ZFYVE9: variants seen among roughly 807,000 people sequenced by gnomAD.
ZFYVE9 encodes the protein zinc finger FYVE domain-containing protein 9.
ZFYVE9 carries 43 observed loss-of-function variants against 126.7 expected under a neutral mutation model. That is an observed-to-expected ratio of 0.34 (90% CI 0.27 to 0.44). The LOEUF is 0.44. Among genes scored for constraint, ZFYVE9 ranks in the 20% least tolerant of loss-of-function variants. The probability of loss-of-function intolerance (pLI) is 1.00; values close to 1 mark genes in which losing one functional copy is unlikely to be tolerated. For synonymous variants in ZFYVE9, 521 were observed against 597.4 expected, an observed-to-expected ratio of 0.87 and a Z score of 1.87; for missense variants, 1,476 against 1,697.0, an observed-to-expected ratio of 0.87 and a Z score of 2.29.
intron 13 of ZFYVE9, among the ~76,000 whole-genome samples, chr1:52,322,377 CTTT>C (rs113375062): frequency 8.4e-6 from 1 of 119,496 alleles, no homozygotes. Context: ...GTGGTCTTTT[CTTT>C]TTTTTTTTTT....
intron 13 of ZFYVE9, among the ~76,000 whole-genome samples, chr1:52,312,749 T>A (rs918478335): frequency 7.2e-5 from 11 of 152,220 alleles, no homozygotes; most frequent in Non-Finnish European, 1.5e-5. Flanking sequence ...ATCAGGGGTG[T>A]ACGGTTCTCC....
chr1:52,336,754 A>G (rs899919199), intron 15 of ZFYVE9, among the ~76,000 whole-genome samples: 2 of 152,092 alleles, frequency 1.3e-5, no homozygotes, highest in Non-Finnish European at 2.9e-5. Context: ...GTGACTTCAC[A>G]AGGTGATTTT....
chr1:52,222,085 T>C (rs1256203165), intron 2 of ZFYVE9, among the ~76,000 whole-genome samples: 1 of 152,194 alleles, frequency 6.6e-6, no homozygotes, highest in African/African-American at 2.4e-5. Flanking sequence ...GTTCTACGAA[T>C]TGGAGTTTAT....
rs1212273323 is a variant in ZFYVE9 at position 52,238,666 on chromosome 1, G to A, written c.1249G>A (p.Glu417Lys). The A allele has an allele frequency of 3.1e-6, 5 of 1,614,030 alleles. No individual in the cohort carries two copies. The highest frequency in any genetic ancestry group is 1.6e-4 in the Middle Eastern group (1 of 6,062). The change falls in exon 4 of 19, where the codon GAA becomes AAA. Residue 417 changes from glutamate to lysine, a missense_variant. Transcript: ENST00000287727. ...LNEMNDSQVN[E>K]EKEKFLQISQ... ...TGAGATGAATGATAGCCAAGTAAAC[G>A]AAGAAAAGGAAAAGTTTCTACAGAT...
chr1:52,142,712 GCAGCCT>G lies in ZFYVE9; in HGVS notation c.-143+311_-143+316del, dbSNP rs1644271295. Among the ~76,000 whole-genome samples the G allele has an allele frequency of 6.6e-6, 1 of 152,162 alleles. No homozygotes were observed. The highest frequency in any genetic ancestry group is 2.1e-4 in the South Asian group (1 of 4,836). The stretch of plus-strand genomic sequence containing the variant: ...GGGTTTGCATGGGCCCGGGCCGAGC[GCAGCCT>G]CTTAGCCCGGGCCCTGCACGTACAT... On this transcript the variant is annotated intron_variant, in intron 1 of 18. Transcript: ENST00000287727. This position sits in a 1 kb window ranked among gnomAD's most constrained non-coding sequence, Gnocchi z 4.5.
intron 1 of ZFYVE9, among the ~76,000 whole-genome samples, chr1:52,214,958 T>C (rs529562061): frequency 2.6e-5 from 4 of 152,310 alleles, no homozygotes; most frequent in African/African-American, 9.6e-5. Context: ...TTTTATTCAG[T>C]ACACTGATTC....
At chr1:52,188,695 A>G (rs2124551987) in intron 1 of ZFYVE9, among the ~76,000 whole-genome samples, 1 of 152,270 alleles carries the variant, frequency 6.6e-6, no homozygotes, top group Admixed American at 6.5e-5. Context: ...GCATTGGTTT[A>G]TATAGTAGAC....
At chr1:52,212,428 G>A (rs1645036788) in intron 1 of ZFYVE9, among the ~76,000 whole-genome samples, 1 of 152,194 alleles carries the variant, frequency 6.6e-6, no homozygotes, top group Non-Finnish European at 1.5e-5. Flanking sequence ...ATTAAGGTGT[G>A]AGCCACTGCA....
At chr1:52,199,050 T>A (rs1445889205) in intron 1 of ZFYVE9, among the ~76,000 whole-genome samples, 2 of 152,064 alleles carry the variant, frequency 1.3e-5, no homozygotes, top group African/African-American at 4.8e-5. Context: ...TCCTCTCCCC[T>A]AGTCTTTGAC....
rs185447340 is a variant in ZFYVE9, at chr1:52,181,461, G to A, written c.-142-34908G>A. On this transcript the variant is annotated intron_variant, in intron 1 of 18. Transcript: ENST00000287727. ...TCTCCACCTCCCAGCCGCCTGCCTT[G>A]GCCTCCCAAAGTGCCGAGATTGCAG... is the stretch of plus-strand genomic sequence containing the variant. Among the ~76,000 whole-genome samples, 1,506 of 152,278 alleles carry A rather than the reference G, an allele frequency of 9.9e-3. 37 individuals carry two copies. The highest frequency in any genetic ancestry group is 0.035 in the African/African-American group (1,455 of 41,548).
chr1:52,162,500 C>T (rs544146584), intron 1 of ZFYVE9: 13 of 256,780 alleles, frequency 5.1e-5, no homozygotes, highest in Non-Finnish European at 5.6e-5. Context: ...TTACCATAGC[C>T]TCCTTTGAGT....
intron 1 of ZFYVE9, among the ~76,000 whole-genome samples, chr1:52,211,581 T>A (rs772011962): frequency 1.8e-4 from 27 of 152,172 alleles, no homozygotes; most frequent in Non-Finnish European, 3.1e-4. Context: ...CCTGCAGTCG[T>A]AGCTACTCCC....
chr1:52,339,591 A>G lies in ZFYVE9; in HGVS notation c.3834-535A>G, dbSNP rs78610139. Among the ~76,000 whole-genome samples the G allele has an allele frequency of 3.9e-3, 601 of 152,264 alleles. 3 individuals are homozygous for G. The highest frequency in any genetic ancestry group is 0.014 in the African/African-American group (573 of 41,554). ...CAGGCGTGAGCCACCATGCCCAGCAAATGATTCTTAATAAATATTTATTAG... is the reference window on the plus strand; with the variant it reads ...CAGGCGTGAGCCACCATGCCCAGCAGATGATTCTTAATAAATATTTATTAG... On this transcript the variant is annotated intron_variant, in intron 16 of 18. Coordinates refer to ENST00000287727, the MANE Select transcript of ZFYVE9 (RefSeq NM_004799.4).
Position 52,237,751 on chromosome 1 carries a change from G to A in ZFYVE9, c.334G>A (p.Glu112Lys), listed in dbSNP as rs763318697. The change falls in exon 4 of 19, where the codon GAA (glutamate) becomes AAA (lysine). Residue 112 changes from glutamate to lysine, a missense_variant. Transcript: ENST00000287727. The part of the protein sequence containing the change: ...TMWIDENAVA[E>K]DQLIKRNYSW... Reference sequence around the variant, plus strand: ...GTGGATTGATGAAAATGCTGTTGCAGAAGACCAGTTAATTAAGAGAAACTA... The same window carrying A: ...GTGGATTGATGAAAATGCTGTTGCAAAAGACCAGTTAATTAAGAGAAACTA... 1.9e-6 allele frequency: 3 copies of A among 1,614,032 alleles called. No homozygotes were observed. Among genetic ancestry groups the A allele is most frequent in the Non-Finnish European group, 2.5e-6 (3 of 1,180,000 alleles).
chr1:52,335,921 G>T (rs1344785240), intron 15 of ZFYVE9, among the ~76,000 whole-genome samples: 3 of 152,218 alleles, frequency 2.0e-5, no homozygotes, highest in Admixed American at 6.5e-5. Flanking sequence ...ATCACTTGAG[G>T]TCAGGAGTTG....
chr1:52,285,709 CAT>C (rs969016865), intron 10 of ZFYVE9, among the ~76,000 whole-genome samples: 1 of 152,132 alleles, frequency 6.6e-6, no homozygotes, highest in Non-Finnish European at 1.5e-5. Context: ...TATTTCATGA[CAT>C]ATTACAATGT....
At chr1:52,209,836 G>A (rs894228019) in intron 1 of ZFYVE9, among the ~76,000 whole-genome samples, 1 of 152,126 alleles carries the variant, frequency 6.6e-6, no homozygotes, top group Non-Finnish European at 1.5e-5. Flanking sequence ...CTATGTTATG[G>A]AAGTATGGAC....
At chr1:52,313,854 G>T (rs1304657718) in intron 13 of ZFYVE9, among the ~76,000 whole-genome samples, 1 of 152,190 alleles carries the variant, frequency 6.6e-6, no homozygotes, top group African/African-American at 2.4e-5. Flanking sequence ...GAAATTAAAT[G>T]CAGTTTAGAC....
At chr1:52,265,640 A>C (rs528428611) in intron 5 of ZFYVE9, among the ~76,000 whole-genome samples, 5 of 152,196 alleles carry the variant, frequency 3.3e-5, no homozygotes, top group Non-Finnish European at 5.9e-5. Context: ...TGATATTGGC[A>C]CATTTTCATG....
Sources: gnomAD v4.1 joint callset for allele counts (sites outside exome capture counted in the v4.1 genomes callset) on GRCh38, gnomAD v4.1.1 for gene constraint, Gnocchi (gnomAD v3.1) non-coding constraint, MANE v1.5 for transcripts, NCBI Gene and HGNC (gene_info 2026-07-23, HGNC 2026-07-21) for gene names.